HECTD4: variants seen among roughly 807,000 people sequenced by gnomAD.
HECTD4 encodes probable E3 ubiquitin-protein ligase HECTD4.
Under a neutral mutation model 471.5 loss-of-function variants are expected in HECTD4, and 114 were observed. The observed-to-expected ratio is 0.24, with a 90% confidence interval of 0.21 to 0.28. HECTD4 has a LOEUF of 0.28. Among genes scored for constraint, HECTD4 ranks in the 10% least tolerant of loss-of-function variants. The pLI, the probability that HECTD4 is intolerant of heterozygous loss-of-function variation, is 1.00. For synonymous variants in HECTD4, 2,012 were observed against 2,256.0 expected (o/e 0.89, Z 3.07); for missense variants, 3,866 against 5,651.5 (o/e 0.68, Z 10.13).
At chr12:112,222,350 C>T (rs1206080216) in intron 44 of HECTD4, among the ~76,000 whole-genome samples, 1 of 152,172 alleles carries the variant, frequency 6.6e-6, no homozygotes, top group African/African-American at 2.4e-5. Context: ...AGCCACAGCA[C>T]CTGGCCCTCA....
chr12:112,286,669 G>A (rs1013821434), intron 7 of HECTD4, among the ~76,000 whole-genome samples: 9 of 152,092 alleles, frequency 5.9e-5, no homozygotes, highest in African/African-American at 2.2e-4. Context: ...TCCAGCCTGG[G>A]CAACAGAGGG....
At chr12:112,347,057 G>T (rs2036165282) in intron 1 of HECTD4, among the ~76,000 whole-genome samples, 1 of 151,958 alleles carries the variant, frequency 6.6e-6, no homozygotes, top group Non-Finnish European at 1.5e-5. Flanking sequence ...ACTACAGTTT[G>T]CAATTCCTCT....
At position 112,248,520 on chromosome 12, in the gene HECTD4, C is replaced by A; in HGVS notation, c.3951-8G>T. On this transcript the variant is annotated splice_polypyrimidine_tract_variant and splice_region_variant and intron_variant, in intron 25 of 75. Coordinates refer to ENST00000682272, the MANE Select transcript of HECTD4 (RefSeq NM_001388303.1). ...TCTGGCTGAATCACTTCTCTGTGAT[C>A]ACAATGGAAATCAGTCAGATATATG... 1 of 1,584,064 alleles carries A rather than the reference C, an allele frequency of 6.3e-7. No homozygotes were observed.
At chr12:112,283,047 A>G in intron 8 of HECTD4, 63 bp downstream of exon 8, 1 of 1,361,768 alleles carries the variant, frequency 7.3e-7, no homozygotes, top group Non-Finnish European at 1.0e-6. Context: ...CGAAGTGCTC[A>G]ATAAGACGTA....
At chr12:112,257,180 C>T (rs2034033706) in intron 20 of HECTD4, among the ~76,000 whole-genome samples, 1 of 152,212 alleles carries the variant, frequency 6.6e-6, no homozygotes, top group South Asian at 2.1e-4. Context: ...CAAAGCCTTA[C>T]TGTCCAATAT....
chr12:112,232,853 GC>G (rs1208382494), intron 38 of HECTD4, 150 bp downstream of exon 38: 1 of 569,306 alleles, frequency 1.8e-6, no homozygotes, highest in African/African-American at 1.9e-5. Context: ...CTTTAAAATG[GC>G]CTCAGTTAAG....
intron 45 of HECTD4, among the ~76,000 whole-genome samples, chr12:112,218,494 G>A (rs952958290): frequency 1.3e-5 from 2 of 152,028 alleles, no homozygotes; most frequent in African/African-American, 4.8e-5. Flanking sequence ...TCATATAAAT[G>A]GAATTTATAT....
intron 71 of HECTD4, 72 bp downstream of exon 71, chr12:112,167,742 C>T: frequency 7.3e-7 from 1 of 1,363,792 alleles, no homozygotes; most frequent in Non-Finnish European, 1.0e-6. Context: ...GAGACACACA[C>T]TGCCCGCCAC....
intron 1 of HECTD4, among the ~76,000 whole-genome samples, chr12:112,359,655 G>A (rs1445180131): frequency 1.3e-5 from 2 of 152,016 alleles, no homozygotes; most frequent in Non-Finnish European, 2.9e-5. Flanking sequence ...CTGGCCTCCA[G>A]TAATCCACTC....
rs2030732803 is a variant in HECTD4 at position 112,162,619 on chromosome 12, G to C, written c.13121-96C>G. 2 of 1,497,878 alleles carry C rather than the reference G, an allele frequency of 1.3e-6. No homozygotes were observed. The highest frequency in any genetic ancestry group is 3.8e-5 in the Admixed American group (2 of 53,222). The allele number at this position is 1,497,878 out of a possible 1,614,324, so 92.8% of individuals were successfully genotyped here. ...CCTCTGCTTCCAGGTTTGCCTCCTT[G>C]GGTAGCCCCAAGCCAATCCTGGGGC... On this transcript the variant is annotated intron_variant, in intron 75 of 75. Coordinates refer to ENST00000682272, the MANE Select transcript of HECTD4 (RefSeq NM_001388303.1). The surrounding 1 kb of genome is among the most constrained non-coding windows in gnomAD (Gnocchi z 5.2).
Position 112,185,425 on chromosome 12 carries a change from G to A in HECTD4, c.9541C>T (p.Leu3181Phe), listed in dbSNP as rs754711196. Residue 3181 changes from leucine to phenylalanine, a missense_variant, in exon 61 of 76, where the codon CTC (leucine) becomes TTC (phenylalanine). Coordinates refer to ENST00000682272, the MANE Select transcript of HECTD4 (RefSeq NM_001388303.1). ...KELVFHLLAE[L>F]LRTVHTLEQR... The stretch of plus-strand genomic sequence containing the variant: ...TCCAGGGTGTGCACCGTGCGCAGGA[G>A]CTCTGCCAGGAGATGGAAAACAAGC... The A allele has an allele frequency of 6.3e-6, 10 of 1,590,006 alleles. No individual in the cohort carries two copies. Among genetic ancestry groups the A allele is most frequent in the Non-Finnish European group, 8.6e-7 (1 of 1,166,816 alleles).
intron 44 of HECTD4, among the ~76,000 whole-genome samples, chr12:112,221,533 C>T (rs2033096174): frequency 6.6e-6 from 1 of 152,080 alleles, no homozygotes; most frequent in African/African-American, 2.4e-5. Flanking sequence ...GCCACTGTGC[C>T]CAGCCTCAGG....
At chr12:112,314,102 G>T (rs970334231) in intron 3 of HECTD4, among the ~76,000 whole-genome samples, 2 of 151,898 alleles carry the variant, frequency 1.3e-5, no homozygotes. Context: ...GCAGTGGTGT[G>T]ATCTCGACTT....
chr12:112,318,837 G>A (rs981326651), intron 2 of HECTD4, among the ~76,000 whole-genome samples: 3 of 152,194 alleles, frequency 2.0e-5, no homozygotes, highest in Non-Finnish European at 4.4e-5. Flanking sequence ...AGACAGGTAT[G>A]AAAAATTAAT....
intron 55 of HECTD4, among the ~76,000 whole-genome samples, chr12:112,197,784 A>C (rs2032290679): frequency 1.3e-5 from 2 of 152,252 alleles, no homozygotes; most frequent in Admixed American, 1.3e-4. Flanking sequence ...AAGACTTATT[A>C]AATAAAGCTT....
chr12:112,345,081 C>T (rs2036123756), intron 1 of HECTD4, among the ~76,000 whole-genome samples: 1 of 152,010 alleles, frequency 6.6e-6, no homozygotes, highest in Non-Finnish European at 1.5e-5. Context: ...TAGTAAGACT[C>T]CATCTTTTAA....
intron 9 of HECTD4, among the ~76,000 whole-genome samples, chr12:112,278,756 G>T (rs2034577198): frequency 6.6e-6 from 1 of 152,222 alleles, no homozygotes; most frequent in Non-Finnish European, 1.5e-5. Flanking sequence ...AGCCGGGCAT[G>T]GTGGCATGTG....
Position 112,192,750 on chromosome 12 carries a change from C to T in HECTD4, c.9102G>A (p.Lys3034=), listed in dbSNP as rs774619802. The T allele has an allele frequency of 3.2e-6, 5 of 1,584,044 alleles. No homozygotes were observed. The Admixed American group carries it at 9.1e-5, about 29-fold the overall frequency. Residue 3034 remains lysine, a synonymous_variant, in exon 59 of 76, where the codon AAG becomes AAA. Transcript: ENST00000682272. ...SGFRKDSSLY[K]APWARVLVYG... is the part of the protein sequence containing the mutation. ...ATACGAGCACCCGTGCCCACGGTGC[C>T]TTGTACAGAGAGGAGCTGAGAAGGA...
intron 55 of HECTD4, among the ~76,000 whole-genome samples, chr12:112,196,817 A>G (rs1469638159): frequency 6.6e-6 from 1 of 151,746 alleles, no homozygotes; most frequent in Non-Finnish European, 1.5e-5. Context: ...GTTTTTTGAG[A>G]TGGAGTCTTG....
Sources: gnomAD v4.1 joint callset for allele counts (sites outside exome capture counted in the v4.1 genomes callset) on GRCh38, gnomAD v4.1.1 for gene constraint, Gnocchi (gnomAD v3.1) non-coding constraint, MANE v1.5 for transcripts, NCBI Gene and HGNC (gene_info 2026-07-23, HGNC 2026-07-21) for gene names.